Variants in ATP11A observed in about 807,000 individuals in gnomAD.
The protein encoded by ATP11A is phospholipid-transporting ATPase IH.
In ATP11A, 81 loss-of-function variants were observed where a neutral mutation model predicts 154.4. The observed-to-expected ratio is 0.52, with a 90% CI of 0.44 to 0.63. The LOEUF (loss-of-function observed/expected upper bound fraction) is 0.63, where lower values mean the gene tolerates loss of function less well. ATP11A is among the 30% of genes least tolerant of loss of function. The probability of loss-of-function intolerance (pLI) is 0.00; values close to 1 mark genes in which losing one functional copy is unlikely to be tolerated. For synonymous variants in ATP11A, 623 were observed against 585.9 expected (o/e 1.06, Z -0.91); for missense variants, 1,316 against 1,474.3 (o/e 0.89, Z 1.76).
intron 1 of ATP11A, among the ~76,000 whole-genome samples, chr13:112,772,391 C>T (rs565009277): frequency 1.3e-5 from 2 of 152,248 alleles, no homozygotes; most frequent in South Asian, 2.1e-4. Context: ...CTCAGCCTGT[C>T]GCGAGTGTGT....
intron 12 of ATP11A, 148 bp from the exon 13 acceptor site, chr13:112,831,227 G>A (rs890766912): frequency 9.6e-6 from 8 of 837,054 alleles, no homozygotes; most frequent in Non-Finnish European, 1.5e-5. Flanking sequence ...GCCCAGTGAG[G>A]GGGTCTGTCT....
At chr13:112,873,485 G>A (rs941895963) in intron 26 of ATP11A, 88 bp from the exon 27 acceptor site, 15 of 1,012,020 alleles carry the variant, frequency 1.5e-5, no homozygotes, top group South Asian at 6.5e-5. Context: ...TTAGTTTCTC[G>A]TCACCCCCCG....
rs764110247 is a variant in ATP11A, at chr13:112,805,062, G to A, written c.252+16G>A. On this transcript the variant is annotated intron_variant, in intron 3 of 29. Coordinates refer to ENST00000375645, the MANE Select transcript of ATP11A (RefSeq NM_015205.3). ...TCTGGTGCAGGTAAGGCCGGTCATT[G>A]TTTTCCATCTCATCACATATAAATC... 17 of 1,563,910 alleles carry A rather than the reference G, an allele frequency of 1.1e-5. No individual in the cohort carries two copies. The highest frequency in any genetic ancestry group is 1.0e-4 in the South Asian group (9 of 86,572).
chr13:112,816,054 T>C (rs1278047074), intron 5 of ATP11A, 29 bp from the exon 6 acceptor site: 1 of 1,613,468 alleles, frequency 6.2e-7, no homozygotes, highest in South Asian at 1.1e-5. Flanking sequence ...GGGCTTTCCA[T>C]TGACCATCCT....
At chr13:112,755,640 A>C (rs1483340997) in intron 1 of ATP11A, among the ~76,000 whole-genome samples, 1 of 152,126 alleles carries the variant, frequency 6.6e-6, no homozygotes, top group Non-Finnish European at 1.5e-5. Context: ...GGCTCCTAGA[A>C]CCATTTCCAG....
chr13:112,731,882 G>A (rs934299555), intron 1 of ATP11A, among the ~76,000 whole-genome samples: 2 of 150,746 alleles, frequency 1.3e-5, no homozygotes, highest in Non-Finnish European at 2.9e-5. Context: ...GCATGGGACA[G>A]TGGCAGTCCC....
chr13:112,691,355 T>C (rs1885147519), intron 1 of ATP11A, among the ~76,000 whole-genome samples: 1 of 150,750 alleles, frequency 6.6e-6, no homozygotes, highest in African/African-American at 2.4e-5. Context: ...TCCCAGCTAC[T>C]CAGGAGGCTG....
intron 2 of ATP11A, among the ~76,000 whole-genome samples, chr13:112,794,105 T>C (rs2077933824): frequency 1.3e-5 from 2 of 152,170 alleles, no homozygotes. Flanking sequence ...TGAAGAGAGG[T>C]GCCAAGCACC....
chr13:112,724,709 T>A (rs963388941), intron 1 of ATP11A, among the ~76,000 whole-genome samples: 5 of 152,076 alleles, frequency 3.3e-5, no homozygotes, highest in East Asian at 1.9e-4. Context: ...AGGAAGCTGT[T>A]TGGGGCCCAT....
At chr13:112,868,889 A>C (rs2080424555) in intron 25 of ATP11A, among the ~76,000 whole-genome samples, 1 of 152,102 alleles carries the variant, frequency 6.6e-6, no homozygotes, top group South Asian at 2.1e-4. Flanking sequence ...AGGGGAAGCA[A>C]GGCCCTTCTT....
At chr13:112,811,164 A>G (rs992075565) in intron 5 of ATP11A, among the ~76,000 whole-genome samples, 1 of 124,246 alleles carries the variant, frequency 8.0e-6, no homozygotes, top group African/African-American at 2.8e-5. Flanking sequence ...CCCTTCCAAC[A>G]CACACACACA....
At chr13:112,793,183 TC>T (rs961480375) in intron 2 of ATP11A, among the ~76,000 whole-genome samples, 54 of 152,198 alleles carry the variant, frequency 3.5e-4, no homozygotes, top group Non-Finnish European at 5.4e-4. Context: ...GGCTTGGACT[TC>T]CTTCCGCAGA....
chr13:112,809,975 C>G (rs1449013665), intron 4 of ATP11A, among the ~76,000 whole-genome samples: 2 of 152,216 alleles, frequency 1.3e-5, no homozygotes, highest in East Asian at 3.8e-4. Context: ...GCTTTTCCAG[C>G]CCCCTGCCTG....
intron 1 of ATP11A, among the ~76,000 whole-genome samples, chr13:112,778,092 G>A (rs944860240): frequency 1.3e-5 from 2 of 152,166 alleles, no homozygotes; most frequent in South Asian, 2.1e-4. Flanking sequence ...GTGAATCGTG[G>A]AAATGAGTCA....
chr13:112,722,268 C>T (rs981159218), intron 1 of ATP11A, among the ~76,000 whole-genome samples: 89 of 10,638 alleles, frequency 8.4e-3, no homozygotes, highest in African/African-American at 0.037. Flanking sequence ...GTAAGTGGGC[C>T]GGCGGGGGGT....
At chr13:112,718,525 G>A (rs1888764289) in intron 1 of ATP11A, among the ~76,000 whole-genome samples, 1 of 152,228 alleles carries the variant, frequency 6.6e-6, no homozygotes, top group Non-Finnish European at 1.5e-5. Flanking sequence ...CCTCCGAGGT[G>A]TGTGCGGTGG....
rs376199880 is a variant in ATP11A at position 112,862,465 on chromosome 13, C to T, written c.2881C>T (p.Arg961Cys). Residue 961 changes from arginine to cysteine, a missense_variant, in exon 25 of 30, where the codon CGC becomes TGC. Coordinates refer to ENST00000375645, the MANE Select transcript of ATP11A (RefSeq NM_015205.3). The part of the protein sequence containing the change: ...YRDVAKNALL[R>C]WRVFIYWTLL... The stretch of plus-strand genomic sequence containing the variant: ...GGACGTCGCCAAGAATGCCCTGCTG[C>T]GCTGGCGCGTGTTCATCTACTGGAC... 21 of 1,613,916 alleles carry T rather than the reference C, an allele frequency of 1.3e-5. No individual in the cohort carries two copies. Among genetic ancestry groups the T allele is most frequent in the Middle Eastern group, 1.7e-4 (1 of 5,990 alleles).
intron 1 of ATP11A, among the ~76,000 whole-genome samples, chr13:112,740,499 C>T (rs1891442032): frequency 6.6e-6 from 1 of 152,134 alleles, no homozygotes; most frequent in Non-Finnish European, 1.5e-5. Context: ...TGTGTCTGGC[C>T]TTTGGCAGAA....
intron 8 of ATP11A, among the ~76,000 whole-genome samples, chr13:112,821,600 C>T (rs767463339): frequency 1.3e-5 from 2 of 152,168 alleles, no homozygotes; most frequent in Non-Finnish European, 2.9e-5. Flanking sequence ...CATGAGCCAC[C>T]GCGCCTGGCC....
Sources: allele counts gnomAD v4.1 joint callset (sites outside exome capture counted in the v4.1 genomes callset), GRCh38; gene constraint gnomAD v4.1.1; transcripts MANE v1.5; gene names NCBI Gene and HGNC (gene_info 2026-07-23, HGNC 2026-07-21).